The following GPR26 variants were observed in gnomAD, a reference collection of about 807,000 sequenced individuals.
GPR26 encodes the protein G protein-coupled receptor 26.
GPR26 carries 15 observed loss-of-function variants against 23.1 expected under a neutral mutation model. That is an observed-to-expected ratio of 0.65 (90% CI 0.43 to 1.00). The LOEUF is 1.00. Among genes scored for constraint, GPR26 ranks in the 50% least tolerant of loss-of-function variants. GPR26 has a pLI of 0.00. For missense variants in GPR26, 359 were observed against 470.5 expected, an observed-to-expected ratio of 0.76 and a Z score of 2.19; for synonymous variants, 228 against 222.1, an observed-to-expected ratio of 1.03 and a Z score of -0.24.
chr10:123,688,637 G>GAGA lies in GPR26; in HGVS notation c.*477_*478insAGA. ...TGGCCCGGATCTAACATGGCACCTCGTCTCCACAGGGTAGTGGTGGCTGCT... is the reference window on the plus strand; with the variant it reads ...TGGCCCGGATCTAACATGGCACCTCGAGATCTCCACAGGGTAGTGGTGGCTGCT... On this transcript the variant is annotated 3_prime_UTR_variant, in exon 3 of 3. Transcript: ENST00000284674. 3.5e-5 allele frequency: 6 copies of GAGA among 170,062 alleles called. No homozygotes were observed. Among genetic ancestry groups the GAGA allele is most frequent in the South Asian group, 1.6e-4 (1 of 6,296 alleles). 10.5% of individuals were successfully genotyped at this position (170,062 alleles called of 1,614,324 possible).
rs1845284530 is a variant in GPR26, at chr10:123,674,462, C to A, written c.669-356C>A. Among the ~76,000 whole-genome samples, 1 of 152,224 alleles carries A rather than the reference C, an allele frequency of 6.6e-6. No homozygotes were observed. Among genetic ancestry groups the A allele is most frequent in the South Asian group, 2.1e-4 (1 of 4,836 alleles). ...AATGTTTAATGTTTCTTTGTACTGA[C>A]TTGGGCACTGTGCCGGTGGCTTTGT... On this transcript the variant is annotated intron_variant, in intron 1 of 2. Transcript: ENST00000284674. The surrounding 1 kb of genome is among the most constrained non-coding windows in gnomAD (Gnocchi z 4.1).
chr10:123,684,594 C>T (rs1039602563), intron 2 of GPR26, among the ~76,000 whole-genome samples: 1 of 152,224 alleles, frequency 6.6e-6, no homozygotes, highest in African/African-American at 2.4e-5. Flanking sequence ...TCCACCCATT[C>T]CCCGAGCTCC....
Position 123,666,533 on chromosome 10 carries a change from G to T in GPR26, c.126G>T (p.Ala42=). ...HSADIRRQAP[A]LFTLNLTCGN... ...CGGACATCCGCCGCCAGGCGCCGGCGCTCTTCACCCTGAACCTCACGTGCG... is the reference window on the plus strand; with the variant it reads ...CGGACATCCGCCGCCAGGCGCCGGCTCTCTTCACCCTGAACCTCACGTGCG... Residue 42 remains alanine, a synonymous_variant, in exon 1 of 3, where the codon GCG becomes GCT. Coordinates refer to ENST00000284674, the MANE Select transcript of GPR26 (RefSeq NM_153442.4). 1 of 1,589,534 alleles carries T rather than the reference G, an allele frequency of 6.3e-7. No homozygotes were observed. Among genetic ancestry groups the T allele is most frequent in the Non-Finnish European group, 8.5e-7 (1 of 1,170,994 alleles).
chr10:123,689,824 T>C lies in GPR26; in HGVS notation c.*1664T>C, dbSNP rs138969506. 7.2e-5 allele frequency: 11 copies of C among 152,316 alleles called. No individual in the cohort carries two copies. In the East Asian group the frequency reaches 1.7e-3, roughly 24 times the overall value. The allele number at this position is 152,316 out of a possible 1,614,324, so 9.4% of individuals were successfully genotyped here. ...GTCTTGTCTAGTTTCAAAGTTACCA[T>C]GGAGACTAGAATGGAGACAGGTGTA... On this transcript the variant is annotated 3_prime_UTR_variant, in exon 3 of 3. Coordinates refer to ENST00000284674, the MANE Select transcript of GPR26 (RefSeq NM_153442.4).
chr10:123,675,079 A>C, intron 2 of GPR26, 148 bp downstream of exon 2: 1 of 592,540 alleles, frequency 1.7e-6, no homozygotes, highest in South Asian at 2.0e-5. Context: ...TTTAGTGAAC[A>C]GGAGGCTGCT....
At chr10:123,680,790 C>T (rs1332409806) in intron 2 of GPR26, among the ~76,000 whole-genome samples, 1 of 136,994 alleles carries the variant, frequency 7.3e-6, no homozygotes, top group East Asian at 2.3e-4. Flanking sequence ...ACCTAGTTAA[C>T]ATTCTCTTGG....
Position 123,694,038 on chromosome 10 carries a change from A to G in GPR26, c.*5878A>G, listed in dbSNP as rs1363298632. 6.6e-6 allele frequency: 1 copy of G among 152,320 alleles called. No individual in the cohort carries two copies. Among genetic ancestry groups the G allele is most frequent in the Non-Finnish European group, 1.5e-5 (1 of 68,188 alleles). The allele number at this position is 152,320 out of a possible 1,614,324, so 9.4% of individuals were successfully genotyped here. On this transcript the variant is annotated 3_prime_UTR_variant, in exon 3 of 3. Coordinates refer to ENST00000284674, the MANE Select transcript of GPR26 (RefSeq NM_153442.4). Reference sequence around the variant, plus strand: ...CAGACTTGCCTGTCACTCTCCAAACATTTACTGAACACCTACTGTGTGCCA... The same window carrying G: ...CAGACTTGCCTGTCACTCTCCAAACGTTTACTGAACACCTACTGTGTGCCA...
chr10:123,683,727 G>C (rs1845402969), intron 2 of GPR26, among the ~76,000 whole-genome samples: 1 of 152,198 alleles, frequency 6.6e-6, no homozygotes, highest in South Asian at 2.1e-4. Flanking sequence ...GTCACTGAGA[G>C]AGGAGGCATG....
intron 1 of GPR26, among the ~76,000 whole-genome samples, chr10:123,670,603 G>A: frequency 6.6e-6 from 1 of 152,198 alleles, no homozygotes; most frequent in Non-Finnish European, 1.5e-5. Context: ...TATGTGCTGG[G>A]AGAGCCGAGC....
Position 123,695,489 on chromosome 10 carries a change from G to A in GPR26, c.*7329G>A, listed in dbSNP as rs1350902161. The stretch of plus-strand genomic sequence containing the variant: ...CTACTCTTAACTGTGAGAGTTAAGA[G>A]TATCACCATCAAGGCGCAAGGCTTC... On this transcript the variant is annotated 3_prime_UTR_variant, in exon 3 of 3. Transcript: ENST00000284674. Among the ~76,000 whole-genome samples, 1 of 152,146 alleles carries A rather than the reference G, an allele frequency of 6.6e-6. No individual in the cohort carries two copies. The highest frequency in any genetic ancestry group is 2.1e-4 in the South Asian group (1 of 4,830).
Position 123,674,991 on chromosome 10 carries a change from C to A in GPR26, c.782+60C>A. The A allele has an allele frequency of 9.7e-7, 1 of 1,030,650 alleles. No homozygotes were observed. Among genetic ancestry groups the A allele is most frequent in the Non-Finnish European group, 1.5e-6 (1 of 666,218 alleles). 63.8% of individuals were successfully genotyped at this position (1,030,650 alleles called of 1,614,324 possible). The stretch of plus-strand genomic sequence containing the variant: ...GAAGAGTAAGGCAGGGCCCAGTGAC[C>A]TTTAGCAGTGGCAGCCTCTCTTGGC... On this transcript the variant is annotated intron_variant, in intron 2 of 2. Transcript: ENST00000284674. The surrounding 1 kb of genome is among the most constrained non-coding windows in gnomAD (Gnocchi z 4.1).
rs764347293 is a variant in GPR26 at position 123,667,046 on chromosome 10, G to T, written c.639G>T (p.Thr213=). Residue 213 remains threonine (T), a synonymous_variant, in exon 1 of 3, where the codon ACG becomes ACT. Transcript: ENST00000284674. ...GCATCGACGTGATCACCATGCAGACGCTGGTGCTGCTGGTGGACCTGCACC... is the reference window on the plus strand; with the variant it reads ...GCATCGACGTGATCACCATGCAGACTCTGGTGCTGCTGGTGGACCTGCACC... ...CKRIDVITMQ[T]LVLLVDLHPS... The T allele has an allele frequency of 1.2e-6, 2 of 1,600,214 alleles. No individual in the cohort carries two copies. The highest frequency in any genetic ancestry group is 1.7e-6 in the Non-Finnish European group (2 of 1,173,612).
At chr10:123,682,395 A>G (rs1564732498) in intron 2 of GPR26, among the ~76,000 whole-genome samples, 1 of 152,186 alleles carries the variant, frequency 6.6e-6, no homozygotes, top group East Asian at 1.9e-4. Context: ...GGGGCACACG[A>G]GGCCACAGTG....
At chr10:123,677,221 C>A (rs1486746391) in intron 2 of GPR26, among the ~76,000 whole-genome samples, 1 of 152,122 alleles carries the variant, frequency 6.6e-6, no homozygotes, top group African/African-American at 2.4e-5. Flanking sequence ...CTAATAGTGC[C>A]CAGGAAGTAA....
intron 2 of GPR26, among the ~76,000 whole-genome samples, chr10:123,686,786 T>C (rs1479691211): frequency 6.6e-6 from 1 of 151,878 alleles, no homozygotes; most frequent in Non-Finnish European, 1.5e-5. Flanking sequence ...CAGAGGGGAG[T>C]ACAGGTGCTG....
rs535007199 is a variant in GPR26 at position 123,681,621 on chromosome 10, G to C, written c.783-6308G>C. Among the ~76,000 whole-genome samples the C allele has an allele frequency of 7.9e-5, 12 of 152,332 alleles. No homozygotes were observed. The South Asian group carries it at 2.3e-3, about 29-fold the overall frequency. On this transcript the variant is annotated intron_variant, in intron 2 of 2. Transcript: ENST00000284674. Reference sequence around the variant, plus strand: ...ATATTGAGGAAGAGAGGAGGATTCTGCTGTAATATCTGCCACCCCTTTGAG... The same window carrying C: ...ATATTGAGGAAGAGAGGAGGATTCTCCTGTAATATCTGCCACCCCTTTGAG...
rs528732424 is a variant in GPR26 at position 123,689,962 on chromosome 10, T to C, written c.*1802T>C. 18 of 152,198 alleles carry C rather than the reference T, an allele frequency of 1.2e-4. No homozygotes were observed. The highest frequency in any genetic ancestry group is 4.3e-4 in the African/African-American group (18 of 41,544). 9.4% of individuals were successfully genotyped at this position (152,198 alleles called of 1,614,324 possible). On this transcript the variant is annotated 3_prime_UTR_variant, in exon 3 of 3. Transcript: ENST00000284674. The stretch of plus-strand genomic sequence containing the variant: ...CAATTTCATGATCTGGGGCATCATG[T>C]CGGTAGCTGAAGTCAGCCACGGTGG...
At chr10:123,680,024 G>A (rs1157285741) in intron 2 of GPR26, among the ~76,000 whole-genome samples, 1 of 152,218 alleles carries the variant, frequency 6.6e-6, no homozygotes, top group Non-Finnish European at 1.5e-5. Flanking sequence ...CACTTCCTTG[G>A]CTGCACATAC....
chr10:123,696,354 A>G lies in GPR26; in HGVS notation c.*8194A>G, dbSNP rs909860075. 3.3e-5 allele frequency among the ~76,000 whole-genome samples: 5 copies of G among 152,162 alleles called. No individual in the cohort carries two copies. The highest frequency in any genetic ancestry group is 1.5e-5 in the Non-Finnish European group (1 of 68,026). On this transcript the variant is annotated 3_prime_UTR_variant, in exon 3 of 3. Transcript: ENST00000284674. ...GAGGCTCCTAGTAATGAGGGCACTGAACACCAATTCTTTACATTCCTTGAA... is the reference window on the plus strand; with the variant it reads ...GAGGCTCCTAGTAATGAGGGCACTGGACACCAATTCTTTACATTCCTTGAA...
Sources: gnomAD v4.1 joint callset for allele counts (sites outside exome capture counted in the v4.1 genomes callset) on GRCh38, gnomAD v4.1.1 for gene constraint, Gnocchi (gnomAD v3.1) non-coding constraint, MANE v1.5 for transcripts, NCBI Gene and HGNC (gene_info 2026-07-23, HGNC 2026-07-21) for gene names.